The following SPACA7 variants were observed in gnomAD, a reference collection of about 807,000 sequenced individuals.
SPACA7 encodes sperm acrosome-associated protein 7.
SPACA7 carries 19 observed loss-of-function variants against 26.3 expected under a neutral mutation model. The observed-to-expected ratio is 0.72, with a 90% confidence interval of 0.50 to 1.06. The LOEUF (loss-of-function observed/expected upper bound fraction) is 1.06. Among genes scored for constraint, SPACA7 ranks in the 50% least tolerant of loss-of-function variants. The pLI is 0.00. For synonymous variants in SPACA7, 84 were observed against 84.5 expected (o/e 0.99, Z 0.04); for missense variants, 211 against 229.9 (o/e 0.92, Z 0.53).
At chr13:112,391,664 C>A (rs1884896565) in intron 1 of SPACA7, among the ~76,000 whole-genome samples, 1 of 152,244 alleles carries the variant, frequency 6.6e-6, no homozygotes, top group Non-Finnish European at 1.5e-5. Flanking sequence ...ACTTTAAAAA[C>A]CGCACGGATG....
At chr13:112,379,818 G>C (rs1883928314) in intron 1 of SPACA7, among the ~76,000 whole-genome samples, 1 of 152,140 alleles carries the variant, frequency 6.6e-6, no homozygotes, top group South Asian at 2.1e-4. Context: ...CTTGGATGAA[G>C]TTGTCAAAAA....
rs545670000 is a variant in SPACA7 at position 112,390,946 on chromosome 13, G to A, written c.95-2075G>A. On this transcript the variant is annotated intron_variant, in intron 1 of 6. Coordinates refer to ENST00000283550, the MANE Select transcript of SPACA7 (RefSeq NM_145248.5). ...ACATGGACTGGCCAGAGCCTCCATG[G>A]CCAGTGGTCTCTCACCAGGAAGGAA... 1.4e-3 allele frequency among the ~76,000 whole-genome samples: 206 copies of A among 152,318 alleles called. 1 individual carries two copies. Among genetic ancestry groups the A allele is most frequent in the African/African-American group, 4.8e-3 (199 of 41,572 alleles).
chr13:112,376,494 G>A lies in SPACA7; in HGVS notation c.94+15G>A. The A allele has an allele frequency of 1.2e-6, 2 of 1,608,300 alleles. No homozygotes were observed. The highest frequency in any genetic ancestry group is 1.7e-6 in the Non-Finnish European group (2 of 1,177,406). On this transcript the variant is annotated intron_variant, in intron 1 of 6. Transcript: ENST00000283550. ...CGTGATTCCAGGTAGGGCCCCACAGGGATGTCTCAGCAGAAAGAGAACTGA... is the reference window on the plus strand; with the variant it reads ...CGTGATTCCAGGTAGGGCCCCACAGAGATGTCTCAGCAGAAAGAGAACTGA...
At chr13:112,412,950 C>T (rs1463901659) in intron 5 of SPACA7, among the ~76,000 whole-genome samples, 1 of 151,994 alleles carries the variant, frequency 6.6e-6, no homozygotes, top group African/African-American at 2.4e-5. Flanking sequence ...AATAAACAAG[C>T]AAAGAACAAA....
At position 112,425,158 on chromosome 13, in the gene SPACA7, G is replaced by A. The variant is rs531791177; in HGVS notation, c.446-7286G>A. The stretch of plus-strand genomic sequence containing the variant: ...CAGGACAGCCATGTGCCACAGTGGC[G>A]TGGGCGCCCGGATCCAAGGGTGCGC... On this transcript the variant is annotated intron_variant, in intron 5 of 6. Transcript: ENST00000283550. 2.8e-4 allele frequency among the ~76,000 whole-genome samples: 42 copies of A among 152,316 alleles called. No homozygotes were observed. In the East Asian group the frequency reaches 6.6e-3, roughly 24 times the overall value.
rs869183760 is a variant in SPACA7, at chr13:112,414,388, C to CTTTTTTTTTTTTTTTTTTTTTTTTT, written c.445+13240_445+13264dup. ...AAGTTTCTGAATGGCTTTTCTGTGT[C>CTTTTTTTTTTTTTTTTTTTTTTTTT]TTTTTTTTTTTTTTTTTTTTTTTTT... On this transcript the variant is annotated intron_variant, in intron 5 of 6. Coordinates refer to ENST00000283550, the MANE Select transcript of SPACA7 (RefSeq NM_145248.5). Among the ~76,000 whole-genome samples, 4 of 31,396 alleles carry CTTTTTTTTTTTTTTTTTTTTTTTTT rather than the reference C, an allele frequency of 1.3e-4. 2 individuals carry two copies. Among genetic ancestry groups the CTTTTTTTTTTTTTTTTTTTTTTTTT allele is most frequent in the Non-Finnish European group, 2.3e-4 (4 of 17,230 alleles). 20.6% of individuals were successfully genotyped at this position (31,396 alleles called of 152,430 possible).
intron 5 of SPACA7, among the ~76,000 whole-genome samples, chr13:112,417,209 T>G (rs1760298368): frequency 6.6e-6 from 1 of 152,146 alleles, no homozygotes; most frequent in Admixed American, 6.5e-5. Flanking sequence ...CTTCAAATAT[T>G]CATTCTATTC....
At chr13:112,392,217 G>A (rs1884935116) in intron 1 of SPACA7, among the ~76,000 whole-genome samples, 3 of 152,160 alleles carry the variant, frequency 2.0e-5, no homozygotes, top group African/African-American at 4.8e-5. Flanking sequence ...GCAGAAGCAG[G>A]GAACTACTGG....
At position 112,376,488 on chromosome 13, in the gene SPACA7, C is replaced by T. The variant is rs776817423; in HGVS notation, c.94+9C>T. 6.2e-6 allele frequency: 10 copies of T among 1,610,370 alleles called. No homozygotes were observed. In the Admixed American group the frequency reaches 6.7e-5, roughly 11 times the overall value. On this transcript the variant is annotated intron_variant, in intron 1 of 6. Coordinates refer to ENST00000283550, the MANE Select transcript of SPACA7 (RefSeq NM_145248.5). ...GAGAACCGTGATTCCAGGTAGGGCCCCACAGGGATGTCTCAGCAGAAAGAG... is the reference window on the plus strand; with the variant it reads ...GAGAACCGTGATTCCAGGTAGGGCCTCACAGGGATGTCTCAGCAGAAAGAG...
chr13:112,420,846 A>G (rs1031413847), intron 5 of SPACA7, among the ~76,000 whole-genome samples: 1 of 152,300 alleles, frequency 6.6e-6, no homozygotes, highest in South Asian at 2.1e-4. Flanking sequence ...GAAACACTTT[A>G]CATAGAAAAA....
At chr13:112,422,091 T>A (rs1449153588) in intron 5 of SPACA7, among the ~76,000 whole-genome samples, 3 of 152,124 alleles carry the variant, frequency 2.0e-5, no homozygotes, top group African/African-American at 7.2e-5. Flanking sequence ...AAAATAAATG[T>A]TTTTCTAGAA....
At chr13:112,426,030 C>G (rs1334682491) in intron 5 of SPACA7, among the ~76,000 whole-genome samples, 1 of 152,204 alleles carries the variant, frequency 6.6e-6, no homozygotes, top group Non-Finnish European at 1.5e-5. Context: ...ATACAAAGTA[C>G]TTAAATGGAA....
At chr13:112,429,264 T>C (rs538776665) in intron 5 of SPACA7, among the ~76,000 whole-genome samples, 74 of 151,924 alleles carry the variant, frequency 4.9e-4, no homozygotes, top group African/African-American at 1.8e-3. Context: ...TAGTTTCAGC[T>C]ACTCAGGAGG....
chr13:112,380,873 A>G (rs2138856353), intron 1 of SPACA7, among the ~76,000 whole-genome samples: 1 of 152,350 alleles, frequency 6.6e-6, no homozygotes, highest in Non-Finnish European at 1.5e-5. Flanking sequence ...CAACAGAGAA[A>G]ACTAGGAGTA....
intron 1 of SPACA7, chr13:112,382,311 G>A: frequency 1.1e-6 from 1 of 903,088 alleles, no homozygotes; most frequent in African/African-American, 1.7e-5. Context: ...GAGTGCAGAG[G>A]CGCCTCTCGA....
At chr13:112,412,310 G>A (rs1341012913) in intron 5 of SPACA7, among the ~76,000 whole-genome samples, 1 of 151,054 alleles carries the variant, frequency 6.6e-6, no homozygotes, top group Non-Finnish European at 1.5e-5. Flanking sequence ...TTTTTGTTTT[G>A]CTACAGAGTT....
intron 2 of SPACA7, among the ~76,000 whole-genome samples, chr13:112,397,634 A>T (rs1885359925): frequency 1.3e-5 from 2 of 152,220 alleles, no homozygotes; most frequent in African/African-American, 4.8e-5. Flanking sequence ...ATAGGGACGT[A>T]AAAGAAGAAA....
intron 1 of SPACA7, chr13:112,382,469 C>G (rs964592771): frequency 1.3e-5 from 20 of 1,550,268 alleles, no homozygotes; most frequent in Non-Finnish European, 1.7e-5. Flanking sequence ...CTTCTTCCCA[C>G]TGACAGGGGA....
intron 1 of SPACA7, among the ~76,000 whole-genome samples, chr13:112,383,710 A>T (rs945877868): frequency 5.9e-5 from 9 of 152,212 alleles, no homozygotes; most frequent in Non-Finnish European, 1.3e-4. Context: ...AACCTTGTAC[A>T]GGGACTCTGT....
Sources: allele counts gnomAD v4.1 joint callset (sites outside exome capture counted in the v4.1 genomes callset), GRCh38; gene constraint gnomAD v4.1.1; transcripts MANE v1.5; gene names NCBI Gene and HGNC (gene_info 2026-07-23, HGNC 2026-07-21).